The following ZMYM2 variants were observed in gnomAD, a reference collection of about 807,000 sequenced individuals.
The protein encoded by ZMYM2 is zinc finger MYM-type containing 2, also known as zinc finger MYM-type protein 2.
Under a neutral mutation model 162.8 loss-of-function variants are expected in ZMYM2, and 56 were observed. That is an observed-to-expected ratio of 0.34 (90% CI 0.28 to 0.43). The LOEUF (loss-of-function observed/expected upper bound fraction) is 0.43, where lower values mean the gene tolerates loss of function less well. Ranked by LOEUF, ZMYM2 falls within the 20% of genes least tolerant of loss-of-function variation. The probability of loss-of-function intolerance (pLI) is 1.00; values close to 1 mark genes in which losing one functional copy is unlikely to be tolerated. For missense variants in ZMYM2, 1,275 were observed against 1,621.8 expected (o/e 0.79, Z 3.67); for synonymous variants, 510 against 541.6 (o/e 0.94, Z 0.81).
chr13:20,020,503 C>T (rs551289530), intron 7 of ZMYM2, among the ~76,000 whole-genome samples: 284 of 152,246 alleles, frequency 1.9e-3, no homozygotes, highest in African/African-American at 6.6e-3. Context: ...GCGTTACAGG[C>T]GTGAGCCACC....
At chr13:20,040,840 C>T (rs1405472179) in intron 12 of ZMYM2, among the ~76,000 whole-genome samples, 2 of 152,170 alleles carry the variant, frequency 1.3e-5, no homozygotes, top group Admixed American at 6.5e-5. Flanking sequence ...TAACTGGTTT[C>T]TGCCTTAATC....
intron 3 of ZMYM2, among the ~76,000 whole-genome samples, chr13:20,001,382 A>G (rs1950374035): frequency 7.1e-6 from 1 of 140,282 alleles, no homozygotes; most frequent in African/African-American, 2.6e-5. Context: ...ACAGAGAGAG[A>G]CTGTCTCAAA....
intron 14 of ZMYM2, among the ~76,000 whole-genome samples, chr13:20,053,109 C>T (rs1246211004): frequency 6.6e-6 from 1 of 152,172 alleles, no homozygotes; most frequent in African/African-American, 2.4e-5. Context: ...AGATAAGAGG[C>T]AGTGCTTTTG....
the ZMYM2 span, among the ~76,000 whole-genome samples, chr13:19,952,686 CA>C: frequency 6.6e-6 from 1 of 151,992 alleles, no homozygotes; most frequent in Non-Finnish European, 1.5e-5. Context: ...GGAATATTTA[CA>C]ATAAACTGGA....
the ZMYM2 span, among the ~76,000 whole-genome samples, chr13:19,938,299 G>C: frequency 6.6e-6 from 1 of 152,084 alleles, no homozygotes; most frequent in Non-Finnish European, 1.5e-5. Context: ...CTGAGGTCAG[G>C]AGTTTGAAAC....
At chr13:20,002,751 T>C in intron 3 of ZMYM2, 99 bp from the exon 4 acceptor site, 1 of 1,441,530 alleles carries the variant, frequency 6.9e-7, no homozygotes, top group Non-Finnish European at 9.3e-7. Flanking sequence ...CATCTTAAAA[T>C]TGTACAAAAT....
chr13:19,869,275 T>G, the ZMYM2 span, among the ~76,000 whole-genome samples: 1 of 152,224 alleles, frequency 6.6e-6, no homozygotes, highest in Admixed American at 6.6e-5. Flanking sequence ...ACACAAGTTT[T>G]ACTTGTTTCA....
the ZMYM2 span, among the ~76,000 whole-genome samples, chr13:19,905,311 C>G: frequency 2.0e-5 from 3 of 152,136 alleles, no homozygotes; most frequent in African/African-American, 7.2e-5. Context: ...CTGCGCCTGG[C>G]CTATTTTTTT....
At chr13:19,905,167 A>C in the ZMYM2 span, among the ~76,000 whole-genome samples, 1 of 151,922 alleles carries the variant, frequency 6.6e-6, no homozygotes, top group African/African-American at 2.4e-5. Context: ...ATGCACCACC[A>C]CGCTCCAGTT....
In ZMYM2 at chr13:20,086,028, A is replaced by G. The variant is rs752069273; in HGVS notation, c.*14A>G. On this transcript the variant is annotated 3_prime_UTR_variant, in exon 25 of 25. Transcript: ENST00000610343. ...GACACAGACTAAAAAGGAACGTTGC[A>G]GAAGCAATCGGGATAAAACAGCATT... 2.5e-6 allele frequency: 4 copies of G among 1,611,164 alleles called. No homozygotes were observed. The Admixed American group carries it at 6.7e-5, about 27-fold the overall frequency.
At chr13:19,928,466 C>A in the ZMYM2 span, among the ~76,000 whole-genome samples, 1 of 152,070 alleles carries the variant, frequency 6.6e-6, no homozygotes, top group Non-Finnish European at 1.5e-5. Flanking sequence ...TGTTATCAAT[C>A]TTTTTCTATC....
chr13:20,027,261 A>G lies in ZMYM2; in HGVS notation c.1794A>G (p.Thr598=). The change falls in exon 9 of 25, where the codon ACA becomes ACG. Residue 598 remains threonine, a synonymous_variant. Coordinates refer to ENST00000610343, the MANE Select transcript of ZMYM2 (RefSeq NM_197968.4). ...KRNSLPQYQA[T]MPDGKLYNFC... ...ACTCTTTACCTCAATACCAAGCCACAATGCCTGATGGAAAACTGTACAACT... is the reference window on the plus strand; with the variant it reads ...ACTCTTTACCTCAATACCAAGCCACGATGCCTGATGGAAAACTGTACAACT... The G allele has an allele frequency of 1.3e-6, 2 of 1,586,598 alleles. No homozygotes were observed. The highest frequency in any genetic ancestry group is 8.6e-7 in the Non-Finnish European group (1 of 1,164,542).
At chr13:20,050,920 TG>T (rs1955266663) in intron 12 of ZMYM2, among the ~76,000 whole-genome samples, 1 of 152,100 alleles carries the variant, frequency 6.6e-6, no homozygotes, top group African/African-American at 2.4e-5. Context: ...ATTAAATAAA[TG>T]TATTTATTAA....
At chr13:20,025,137 AT>A in intron 7 of ZMYM2, 2 of 208,184 alleles carry the variant, frequency 9.6e-6, no homozygotes, top group Admixed American at 5.9e-5. Flanking sequence ...TTCAGTTGTT[AT>A]TTTTGGCCTG....
At chr13:19,945,875 G>A in the ZMYM2 span, among the ~76,000 whole-genome samples, 1 of 149,884 alleles carries the variant, frequency 6.7e-6, no homozygotes, top group African/African-American at 2.5e-5. Context: ...CTTGAACTTG[G>A]GAGGCAGAGG....
chr13:19,976,771 G>A (rs1283675453), intron 2 of ZMYM2, among the ~76,000 whole-genome samples: 4 of 152,174 alleles, frequency 2.6e-5, no homozygotes, highest in Admixed American at 6.5e-5. Context: ...GTATGTATAT[G>A]TCTTTTAGGT....
chr13:19,923,871 A>T, the ZMYM2 span, among the ~76,000 whole-genome samples: 1 of 151,892 alleles, frequency 6.6e-6, no homozygotes, highest in Non-Finnish European at 1.5e-5. Context: ...GGGTTTCGCC[A>T]TGTTGGCCAG....
intron 12 of ZMYM2, among the ~76,000 whole-genome samples, chr13:20,051,208 T>C (rs144060173): frequency 6.6e-6 from 1 of 151,096 alleles, no homozygotes; most frequent in African/African-American, 2.4e-5. Flanking sequence ...ATGCTGGTCT[T>C]TGACTTCTGG....
chr13:20,040,645 C>T (rs1221133695), intron 12 of ZMYM2, among the ~76,000 whole-genome samples: 1 of 152,120 alleles, frequency 6.6e-6, no homozygotes, highest in Non-Finnish European at 1.5e-5. Context: ...CTTCTGCTAG[C>T]TTTGGGATTG....
Sources: allele counts gnomAD v4.1 joint callset (sites outside exome capture counted in the v4.1 genomes callset), GRCh38; gene constraint gnomAD v4.1.1; transcripts MANE v1.5; gene names NCBI Gene and HGNC (gene_info 2026-07-23, HGNC 2026-07-21).